The following MACO1 variants were observed in gnomAD, a reference collection of about 807,000 sequenced individuals.
The protein encoded by MACO1 is macoilin.
In MACO1, 14 loss-of-function variants were observed where a neutral mutation model predicts 78.7. The observed-to-expected ratio is 0.18, with a 90% CI of 0.12 to 0.28. The LOEUF (loss-of-function observed/expected upper bound fraction) is 0.28. MACO1 is among the 10% of genes least tolerant of loss of function. The pLI, the probability that MACO1 is intolerant of heterozygous loss-of-function variation, is 1.00. For missense variants in MACO1, 501 were observed against 799.0 expected (o/e 0.63, Z 4.50); for synonymous variants, 288 against 291.6 (o/e 0.99, Z 0.12).
chr1:25,464,995 T>C (rs1441568171), intron 6 of MACO1, among the ~76,000 whole-genome samples: 3 of 148,994 alleles, frequency 2.0e-5, no homozygotes, highest in East Asian at 2.0e-4. Flanking sequence ...TTTTTTAATA[T>C]AGAGACAGGA....
chr1:25,446,864 C>T lies in MACO1; in HGVS notation c.183C>T (p.Phe61=). ...RFEYLWPFWL[F]IRSVYDSFRY... ...AATACCTGTGGCCATTCTGGCTTTT[C>T]ATCAGAAGCGTCTATGATTCCTTCA... Residue 61 remains phenylalanine (F), a synonymous_variant, in exon 2 of 11, where the codon TTC becomes TTT. Coordinates refer to ENST00000374343, the MANE Select transcript of MACO1 (RefSeq NM_018202.6). 1 of 1,613,854 alleles carries T rather than the reference C, an allele frequency of 6.2e-7. No homozygotes were observed.
At position 25,491,618 on chromosome 1, in the gene MACO1, G is replaced by A. The variant is rs769513688; in HGVS notation, c.1792+34G>A. On this transcript the variant is annotated intron_variant, in intron 10 of 10. Transcript: ENST00000374343. ...ACGTGGGCCCCTGGTGAGGTGGTGTGACTGATAATGCACAGGGATGCACAG... is the reference window on the plus strand; with the variant it reads ...ACGTGGGCCCCTGGTGAGGTGGTGTAACTGATAATGCACAGGGATGCACAG... The A allele has an allele frequency of 2.5e-6, 4 of 1,594,110 alleles. No homozygotes were observed. The East Asian group carries it at 6.7e-5, about 27-fold the overall frequency.
At chr1:25,480,913 TAAAAA>T (rs759266355) in intron 6 of MACO1, among the ~76,000 whole-genome samples, 1 of 16,236 alleles carries the variant, frequency 6.2e-5, no homozygotes, top group African/African-American at 2.6e-4. Context: ...GAGACTTGGT[TAAAAA>T]AAAAAAAAAA....
chr1:25,483,063 T>G lies in MACO1; in HGVS notation c.1155-1053T>G, dbSNP rs551878944. On this transcript the variant is annotated intron_variant, in intron 6 of 10. Transcript: ENST00000374343. ...TAGTTTTCGTTTGTTTGTTTTTTGT[T>G]TTTTGAGACAGAGTCTCACTCTTGT... Among the ~76,000 whole-genome samples the G allele has an allele frequency of 2.6e-5, 4 of 152,354 alleles. No homozygotes were observed. The East Asian group carries it at 7.7e-4, about 29-fold the overall frequency.
chr1:25,441,719 TAGGGCGGCTTATTGTG>T (rs2124572144), intron 1 of MACO1, among the ~76,000 whole-genome samples: 1 of 152,324 alleles, frequency 6.6e-6, no homozygotes, highest in African/African-American at 2.4e-5. Flanking sequence ...ACTTTGGGGT[TAGGGCGGCTTATTGTG>T]AGGAAGTGAT....
At chr1:25,444,902 T>C (rs1483219093) in intron 1 of MACO1, among the ~76,000 whole-genome samples, 2 of 152,102 alleles carry the variant, frequency 1.3e-5, no homozygotes, top group African/African-American at 4.8e-5. Context: ...AAATGTGCAT[T>C]GCTCTCCACT....
rs528461187 is a variant in MACO1, at chr1:25,432,904, C to T, written c.80+1726C>T. On this transcript the variant is annotated intron_variant, in intron 1 of 10. Coordinates refer to ENST00000374343, the MANE Select transcript of MACO1 (RefSeq NM_018202.6). ...TTGAACAAATAGACCCAGTTTACAA[C>T]CTGCGCCATAATAGCTACTCAGTGT... 2.6e-5 allele frequency among the ~76,000 whole-genome samples: 4 copies of T among 152,306 alleles called. No individual in the cohort carries two copies. The South Asian group carries it at 6.2e-4, about 24-fold the overall frequency.
At chr1:25,482,048 AG>A in intron 6 of MACO1, among the ~76,000 whole-genome samples, 1 of 152,168 alleles carries the variant, frequency 6.6e-6, no homozygotes. Flanking sequence ...CTGGGGATTT[AG>A]TGCTTAATAA....
At chr1:25,475,781 A>G (rs1571980034) in intron 6 of MACO1, among the ~76,000 whole-genome samples, 1 of 152,298 alleles carries the variant, frequency 6.6e-6, no homozygotes. Flanking sequence ...AGAGATAACC[A>G]CTATTTTATA....
At chr1:25,482,876 G>A (rs2043392681) in intron 6 of MACO1, among the ~76,000 whole-genome samples, 1 of 152,148 alleles carries the variant, frequency 6.6e-6, no homozygotes. Context: ...TGGCCCATAA[G>A]TTCTCATTAA....
chr1:25,438,018 A>G (rs2042934733), intron 1 of MACO1, among the ~76,000 whole-genome samples: 1 of 152,242 alleles, frequency 6.6e-6, no homozygotes, highest in African/African-American at 2.4e-5. Flanking sequence ...TTTAAAGGAA[A>G]AAAAAAATCT....
intron 6 of MACO1, among the ~76,000 whole-genome samples, chr1:25,473,820 G>A (rs935896781): frequency 6.6e-6 from 1 of 152,162 alleles, no homozygotes; most frequent in Non-Finnish European, 1.5e-5. Context: ...AATCTCTTGG[G>A]TACCTCTTAG....
At chr1:25,446,978 C>T in intron 2 of MACO1, 75 bp downstream of exon 2, 2 of 1,505,250 alleles carry the variant, frequency 1.3e-6, no homozygotes, top group Non-Finnish European at 1.8e-6. Flanking sequence ...TAGCAATACT[C>T]AGGTAACTAT....
At chr1:25,495,594 C>A (rs2043528540) in intron 10 of MACO1, among the ~76,000 whole-genome samples, 2 of 152,182 alleles carry the variant, frequency 1.3e-5, no homozygotes, top group African/African-American at 4.8e-5. Context: ...AAGAACCCAA[C>A]TTTGTAATTT....
At position 25,500,010 on chromosome 1, in the gene MACO1, C is replaced by T. The variant is rs932442918; in HGVS notation, c.*1544C>T. On this transcript the variant is annotated 3_prime_UTR_variant, in exon 11 of 11. Transcript: ENST00000374343. ...TTTTTGAATCATCTTGTGTAATTGT[C>T]ACCATGAAAGTGTTACTCAGAATTG... 7.2e-5 allele frequency: 11 copies of T among 152,174 alleles called. No homozygotes were observed. Among genetic ancestry groups the T allele is most frequent in the Admixed American group, 1.3e-4 (2 of 15,280 alleles). 9.4% of individuals were successfully genotyped at this position (152,174 alleles called of 1,614,324 possible).
At position 25,458,475 on chromosome 1, in the gene MACO1, C is replaced by T; in HGVS notation, c.737C>T (p.Thr246Ile). 6.2e-7 allele frequency: 1 copy of T among 1,613,766 alleles called. No homozygotes were observed. The highest frequency in any genetic ancestry group is 8.5e-7 in the Non-Finnish European group (1 of 1,179,964). Reference protein sequence around the residue: ...GIPANKKLSTTLPEIEYREKG... With the variant: ...GIPANKKLSTILPEIEYREKG... ...CCAGCCAACAAAAAACTCTCCACAA[C>T]TTTGCCAGAGATAGAATACCGAGAA... The change falls in exon 6 of 11, where the codon ACT becomes ATT. Residue 246 changes from threonine to isoleucine, a missense_variant. Thr to Ile is a moderately conservative substitution (Grantham distance 89, BLOSUM62 -1). Coordinates refer to ENST00000374343, the MANE Select transcript of MACO1 (RefSeq NM_018202.6).
At chr1:25,475,849 A>G (rs928090227) in intron 6 of MACO1, among the ~76,000 whole-genome samples, 3 of 152,144 alleles carry the variant, frequency 2.0e-5, no homozygotes, top group African/African-American at 4.8e-5. Flanking sequence ...AGCTCATACT[A>G]TGTATGTTTT....
intron 6 of MACO1, among the ~76,000 whole-genome samples, chr1:25,465,715 A>G (rs1006073123): frequency 6.6e-6 from 1 of 152,196 alleles, no homozygotes; most frequent in Non-Finnish European, 1.5e-5. Flanking sequence ...TTTCACCCAA[A>G]TAATATACAT....
intron 1 of MACO1, among the ~76,000 whole-genome samples, chr1:25,440,004 G>A (rs1269477131): frequency 9.4e-6 from 1 of 106,700 alleles, no homozygotes; most frequent in Non-Finnish European, 2.2e-5. Context: ...GGCAACAAGC[G>A]AAACTCTGTC....
Sources: gnomAD v4.1 joint callset for allele counts (sites outside exome capture counted in the v4.1 genomes callset) on GRCh38, gnomAD v4.1.1 for gene constraint, MANE v1.5 for transcripts, NCBI Gene and HGNC (gene_info 2026-07-23, HGNC 2026-07-21) for gene names.